Variants in ATOSA observed in about 807,000 individuals in gnomAD.
ATOSA encodes atos homolog A, also known as atos homolog protein A.
the ATOSA span, among the ~76,000 whole-genome samples, chr15:52,700,745 A>G: frequency 2.0e-5 from 3 of 152,220 alleles, no homozygotes; most frequent in African/African-American, 7.2e-5. Context: ...TTGGAAAGCA[A>G]GCAAAATAAA....
the ATOSA span, among the ~76,000 whole-genome samples, chr15:52,637,097 G>T: frequency 0.01 from 1,571 of 152,216 alleles, 26 homozygotes; most frequent in African/African-American, 0.037. Flanking sequence ...GAGAGCAGGG[G>T]TAGGAGTAGG....
chr15:52,604,876 A>G, the ATOSA span, among the ~76,000 whole-genome samples: 1 of 152,182 alleles, frequency 6.6e-6, no homozygotes. Context: ...TTTTTTTCAC[A>G]TCTAGTAACA....
chr15:52,609,520 T>C, the ATOSA span: 1 of 1,613,486 alleles, frequency 6.2e-7, no homozygotes, highest in Non-Finnish European at 8.5e-7. Flanking sequence ...AACAGGCATA[T>C]GAGAATAAAA....
chr15:52,673,417 C>T, the ATOSA span, among the ~76,000 whole-genome samples: 1 of 152,190 alleles, frequency 6.6e-6, no homozygotes, highest in Non-Finnish European at 1.5e-5. Context: ...TTTGAGCTTG[C>T]CCTTTTATTA....
At chr15:52,681,179 T>A in the ATOSA span, among the ~76,000 whole-genome samples, 1 of 152,278 alleles carries the variant, frequency 6.6e-6, no homozygotes, top group Non-Finnish European at 1.5e-5. Context: ...GAAGTTTTTT[T>A]AAATTTAGAA....
At chr15:52,596,058 G>A in the ATOSA span, among the ~76,000 whole-genome samples, 1 of 152,228 alleles carries the variant, frequency 6.6e-6, no homozygotes, top group Middle Eastern at 3.4e-3. Context: ...AGGCTGCAGT[G>A]AGGTATGATC....
At chr15:52,615,856 G>A in the ATOSA span, among the ~76,000 whole-genome samples, 1 of 152,198 alleles carries the variant, frequency 6.6e-6, no homozygotes, top group Non-Finnish European at 1.5e-5. Flanking sequence ...TTAATCCTCA[G>A]AACAGCTCTA....
chr15:52,679,815 C>CCCT, the ATOSA span, among the ~76,000 whole-genome samples: 639 of 104,862 alleles, frequency 6.1e-3, 23 homozygotes, highest in African/African-American at 0.022. Context: ...CTCCTTCCCC[C>CCCT]CCTCCTCCTC....
chr15:52,640,073 CTATT>C, the ATOSA span, among the ~76,000 whole-genome samples: 22 of 151,958 alleles, frequency 1.4e-4, no homozygotes, highest in African/African-American at 5.3e-4. Context: ...ATATTTTTTC[CTATT>C]TAATCTTCAT....
the ATOSA span, among the ~76,000 whole-genome samples, chr15:52,613,396 C>T: frequency 1.3e-5 from 2 of 152,034 alleles, no homozygotes; most frequent in Non-Finnish European, 2.9e-5. Context: ...TAAAATCCAA[C>T]AGCAGAGATA....
At chr15:52,683,211 C>T in the ATOSA span, among the ~76,000 whole-genome samples, 1 of 151,982 alleles carries the variant, frequency 6.6e-6, no homozygotes, top group African/African-American at 2.4e-5. Flanking sequence ...CAGCATTTTA[C>T]ATATATATTT....
chr15:52,670,001 C>T, the ATOSA span, among the ~76,000 whole-genome samples: 18 of 152,206 alleles, frequency 1.2e-4, no homozygotes, highest in Admixed American at 6.5e-5. Flanking sequence ...TGCCCTGATG[C>T]TGCTCTAAAC....
the ATOSA span, among the ~76,000 whole-genome samples, chr15:52,634,664 C>T: frequency 1.6e-4 from 24 of 149,524 alleles, no homozygotes; most frequent in African/African-American, 5.7e-4. Context: ...TGCAGTGGCG[C>T]GATCTCGGCT....
the ATOSA span, among the ~76,000 whole-genome samples, chr15:52,633,296 G>A: frequency 2.0e-5 from 3 of 152,194 alleles, no homozygotes; most frequent in South Asian, 2.1e-4. Flanking sequence ...TTTTCAGCCA[G>A]GACAGAGTAA....
the ATOSA span, among the ~76,000 whole-genome samples, chr15:52,600,686 T>A: frequency 6.6e-6 from 1 of 152,080 alleles, no homozygotes; most frequent in Non-Finnish European, 1.5e-5. Flanking sequence ...CAGACTTCTA[T>A]ATCAATCTTA....
At chr15:52,597,175 A>G in the ATOSA span, among the ~76,000 whole-genome samples, 1,950 of 28,288 alleles carry the variant, frequency 0.069, 15 homozygotes, top group Admixed American at 0.086. Flanking sequence ...GTTCTATTCT[A>G]TTCTATTCTA....
chr15:52,694,879 A>G, the ATOSA span, among the ~76,000 whole-genome samples: 1 of 151,852 alleles, frequency 6.6e-6, no homozygotes, highest in South Asian at 2.1e-4. Flanking sequence ...TTCCAGGGAC[A>G]ATCACCATAC....
At chr15:52,617,583 A>C in the ATOSA span, among the ~76,000 whole-genome samples, 3 of 152,118 alleles carry the variant, frequency 2.0e-5, no homozygotes, top group African/African-American at 7.2e-5. Flanking sequence ...TATAAAATTC[A>C]GAGAGTAAGA....
the ATOSA span, among the ~76,000 whole-genome samples, chr15:52,669,236 T>C: frequency 6.6e-6 from 1 of 152,130 alleles, no homozygotes; most frequent in Non-Finnish European, 1.5e-5. Flanking sequence ...TTTTTAATTA[T>C]AATAATTGTA....
Sources: gnomAD v4.1 joint callset for allele counts (sites outside exome capture counted in the v4.1 genomes callset) on GRCh38, gnomAD v4.1.1 for gene constraint, MANE v1.5 for transcripts, NCBI Gene and HGNC (gene_info 2026-07-23, HGNC 2026-07-21) for gene names.